Variants in GATC observed in about 807,000 individuals in gnomAD.
GATC encodes glutamyl-tRNA amidotransferase subunit C, also known as glutamyl-tRNA(Gln) amidotransferase subunit C, mitochondrial.
GATC carries 11 observed loss-of-function variants against 14.4 expected under a neutral mutation model. The observed-to-expected ratio is 0.77, with a 90% CI of 0.48 to 1.27. The LOEUF (loss-of-function observed/expected upper bound fraction) is 1.27, where lower values mean the gene tolerates loss of function less well. Ranked by LOEUF, GATC falls within the 50% of genes most tolerant of loss-of-function variation. GATC has a pLI of 0.00. For missense variants in GATC, 204 were observed against 183.0 expected, an observed-to-expected ratio of 1.11 and a Z score of -0.66; for synonymous variants, 76 against 79.3, an observed-to-expected ratio of 0.96 and a Z score of 0.22.
chr12:120,457,840 C>G (rs756810380), intron 3 of GATC, among the ~76,000 whole-genome samples: 4 of 152,086 alleles, frequency 2.6e-5, no homozygotes, highest in Non-Finnish European at 5.9e-5. Flanking sequence ...CTCCCGACCT[C>G]AGGTGATCCA....
At chr12:120,452,902 C>T (rs1403800874) in intron 2 of GATC, among the ~76,000 whole-genome samples, 5 of 152,006 alleles carry the variant, frequency 3.3e-5, no homozygotes, top group Non-Finnish European at 7.4e-5. Flanking sequence ...CACCATGTTT[C>T]CCAGGCTGGT....
intron 2 of GATC, among the ~76,000 whole-genome samples, chr12:120,454,678 G>A (rs1878133105): frequency 1.3e-5 from 2 of 151,736 alleles, no homozygotes; most frequent in Non-Finnish European, 2.9e-5. Flanking sequence ...GTCTCCCAAA[G>A]TGCTGGGATC....
rs535945481 is a variant in GATC, at chr12:120,457,699, C to T, written c.358+520C>T. Among the ~76,000 whole-genome samples the T allele has an allele frequency of 1.7e-4, 26 of 151,142 alleles. No individual in the cohort carries two copies. In the South Asian group the frequency reaches 3.1e-3, roughly 18 times the overall value. On this transcript the variant is annotated intron_variant, in intron 3 of 3. Coordinates refer to ENST00000551765, the MANE Select transcript of GATC (RefSeq NM_176818.3). ...TCGGCTCACCGCAACCTCCACCTCC[C>T]GGGTTCAAGCGATTCTCCTGCTCAG...
At chr12:120,449,414 G>C (rs1385070945) in intron 2 of GATC, among the ~76,000 whole-genome samples, 2 of 152,082 alleles carry the variant, frequency 1.3e-5, no homozygotes, top group Non-Finnish European at 2.9e-5. Context: ...TGTTCTCAGT[G>C]GTTGGCACTG....
rs995031663 is a variant in GATC at position 120,461,788 on chromosome 12, G to A, written c.*1829G>A. On this transcript the variant is annotated 3_prime_UTR_variant, in exon 4 of 4. Coordinates refer to ENST00000551765, the MANE Select transcript of GATC (RefSeq NM_176818.3). ...AGAACTGATTTTTTTCCCATAATCA[G>A]GGGTGAAAAATATACAACTTGTTTC... The A allele has an allele frequency of 1.0e-4, 40 of 392,898 alleles. No individual in the cohort carries two copies. Among genetic ancestry groups the A allele is most frequent in the Middle Eastern group, 1.4e-3 (2 of 1,380 alleles). The allele number at this position is 392,898 out of a possible 1,614,324, so 24.3% of individuals were successfully genotyped here.
At chr12:120,446,888 GTGACGA>G in intron 2 of GATC, 59 bp downstream of exon 2, 1 of 1,487,468 alleles carries the variant, frequency 6.7e-7, no homozygotes, top group Admixed American at 2.2e-5. Context: ...GCCGTTTAAT[GTGACGA>G]TTAGCGAACA....
chr12:120,453,624 C>A (rs1380800680), intron 2 of GATC, among the ~76,000 whole-genome samples: 1 of 152,046 alleles, frequency 6.6e-6, no homozygotes, highest in Non-Finnish European at 1.5e-5. Flanking sequence ...GAAAGTGAAG[C>A]AACTCACCAA....
rs558375526 is a variant in GATC, at chr12:120,459,861, A to AAAAC, written c.359-30_359-27dup. The AAAAC allele has an allele frequency of 2.2e-4, 338 of 1,526,596 alleles. No individual in the cohort carries two copies. In the East Asian group the frequency reaches 4.9e-3, roughly 22 times the overall value. The allele number at this position is 1,526,596 out of a possible 1,614,324, so 94.6% of individuals were successfully genotyped here. On this transcript the variant is annotated intron_variant, in intron 3 of 3. Transcript: ENST00000551765. ...AACAGCGAGACTCTGTCTCAAAACA[A>AAAAC]AAACAAACAAACAAACAAAAATTCT...
chr12:120,458,656 C>G (rs1471455086), intron 3 of GATC, among the ~76,000 whole-genome samples: 2 of 152,194 alleles, frequency 1.3e-5, no homozygotes, highest in Non-Finnish European at 2.9e-5. Flanking sequence ...TGTTGTACTA[C>G]CCCTCTGGGC....
chr12:120,462,050 G>A lies in GATC; in HGVS notation c.*2091G>A. The A allele has an allele frequency of 6.2e-7, 1 of 1,611,886 alleles. No individual in the cohort carries two copies. ...GGGCCTGAAAGGAGAGAAGTAGTGT[G>A]GGGAACCCCTGCTTTGGTATGGAGA... On this transcript the variant is annotated 3_prime_UTR_variant, in exon 4 of 4. Transcript: ENST00000551765.
chr12:120,451,872 A>ATTTTTTTTTTTTTT (rs1555219520), intron 2 of GATC, among the ~76,000 whole-genome samples: 34 of 88,098 alleles, frequency 3.9e-4, no homozygotes, highest in African/African-American at 7.8e-4. Flanking sequence ...AATTATATAA[A>ATTTTTTTTTTTTTT]TTCTTTTTTT....
At position 120,463,703 on chromosome 12, in the gene GATC, GTGTAA is replaced by G. The variant is rs1878417858; in HGVS notation, c.*3748_*3752del. On this transcript the variant is annotated 3_prime_UTR_variant, in exon 4 of 4. Transcript: ENST00000551765. ...AGGTTACAAATACCATGACCAAACT[GTGTAA>G]TGTGATACTAATATGCAGAATAAAG... The G allele has an allele frequency of 2.6e-6, 1 of 391,848 alleles. No individual in the cohort carries two copies. Among genetic ancestry groups the G allele is most frequent in the African/African-American group, 2.0e-5 (1 of 49,182 alleles). 24.3% of individuals were successfully genotyped at this position (391,848 alleles called of 1,614,324 possible). A position where few individuals can be genotyped will look rare whatever the true frequency, so the allele number is the denominator to read the frequency against.
At chr12:120,454,485 A>G (rs1421232541) in intron 2 of GATC, among the ~76,000 whole-genome samples, 20 of 151,892 alleles carry the variant, frequency 1.3e-4, no homozygotes, top group Admixed American at 1.2e-3. Flanking sequence ...CAGTAGCATG[A>G]TATCCGCTCA....
At chr12:120,454,014 TTAA>T in intron 2 of GATC, among the ~76,000 whole-genome samples, 1 of 152,342 alleles carries the variant, frequency 6.6e-6, no homozygotes, top group African/African-American at 2.4e-5. Flanking sequence ...CGCAGGAAAC[TTAA>T]TTATGAAACT....
At chr12:120,459,672 C>T (rs1425392566) in intron 3 of GATC, among the ~76,000 whole-genome samples, 4 of 152,052 alleles carry the variant, frequency 2.6e-5, no homozygotes, top group Non-Finnish European at 5.9e-5. Context: ...CTGGCTAACA[C>T]GGTGAAACCC....
chr12:120,459,840 G>A lies in GATC; in HGVS notation c.359-67G>A, dbSNP rs1026758892. Reference sequence around the variant, plus strand: ...CCACTGCACTCCAGCCTGGGCAACAGCGAGACTCTGTCTCAAAACAAAAAC... The same window carrying A: ...CCACTGCACTCCAGCCTGGGCAACAACGAGACTCTGTCTCAAAACAAAAAC... On this transcript the variant is annotated intron_variant, in intron 3 of 3. Coordinates refer to ENST00000551765, the MANE Select transcript of GATC (RefSeq NM_176818.3). The A allele has an allele frequency of 1.0e-5, 13 of 1,275,384 alleles. No homozygotes were observed. The East Asian group carries it at 1.3e-4, about 12-fold the overall frequency. 79.0% of individuals were successfully genotyped at this position (1,275,384 alleles called of 1,614,324 possible). A position where few individuals can be genotyped will look rare whatever the true frequency, so the allele number is the denominator to read the frequency against.
chr12:120,457,602 C>CTTTT (rs3999474), intron 3 of GATC, among the ~76,000 whole-genome samples: 3 of 103,612 alleles, frequency 2.9e-5, no homozygotes, highest in African/African-American at 4.0e-5. Flanking sequence ...TAAAAGAATC[C>CTTTT]TTTTTTTTTT....
intron 2 of GATC, among the ~76,000 whole-genome samples, chr12:120,451,480 G>A (rs547020709): frequency 4.6e-5 from 7 of 151,330 alleles, no homozygotes; most frequent in East Asian, 2.0e-4. Flanking sequence ...GGTGTTTCAC[G>A]CCTGTAATCC....
chr12:120,458,152 C>T (rs1292997908), intron 3 of GATC, among the ~76,000 whole-genome samples: 1 of 148,292 alleles, frequency 6.7e-6, no homozygotes, highest in African/African-American at 2.5e-5. Flanking sequence ...GGCTGGAGTG[C>T]AATCTTGACT....
Sources: allele counts gnomAD v4.1 joint callset (sites outside exome capture counted in the v4.1 genomes callset), GRCh38; gene constraint gnomAD v4.1.1; transcripts MANE v1.5; gene names NCBI Gene and HGNC (gene_info 2026-07-23, HGNC 2026-07-21).